TENM4: variants seen among roughly 807,000 people sequenced by gnomAD.
TENM4 encodes teneurin-4.
In TENM4, 82 loss-of-function variants were observed where a neutral mutation model predicts 243.3. The ratio of observed to expected loss-of-function variants is 0.34; its 90% CI spans 0.28 to 0.40. The LOEUF (loss-of-function observed/expected upper bound fraction) is 0.40. TENM4 is among the 10% of genes least tolerant of loss of function. TENM4 has a pLI of 1.00. For missense variants in TENM4, 3,138 were observed against 3,673.3 expected, an observed-to-expected ratio of 0.85 and a Z score of 3.77; for synonymous variants, 1,412 against 1,456.3, an observed-to-expected ratio of 0.97 and a Z score of 0.69.
chr11:78,970,433 T>C (rs1471429409), intron 6 of TENM4, among the ~76,000 whole-genome samples: 1 of 152,204 alleles, frequency 6.6e-6, no homozygotes, highest in East Asian at 1.9e-4. Context: ...TTTACATCTG[T>C]TATCCTGCAT....
intron 6 of TENM4, among the ~76,000 whole-genome samples, chr11:79,007,056 G>A (rs150674725): frequency 3.9e-5 from 6 of 152,262 alleles, no homozygotes; most frequent in African/African-American, 1.2e-4. Flanking sequence ...GGACTTGGAC[G>A]GCAACGTTGG....
At chr11:78,827,749 A>G (rs1475357730) in intron 12 of TENM4, among the ~76,000 whole-genome samples, 1 of 152,086 alleles carries the variant, frequency 6.6e-6, no homozygotes, top group Non-Finnish European at 1.5e-5. Flanking sequence ...TCAGCCTCCC[A>G]AAGTGCTGGG....
At chr11:78,982,337 C>G (rs2136629951) in intron 6 of TENM4, among the ~76,000 whole-genome samples, 1 of 152,264 alleles carries the variant, frequency 6.6e-6, no homozygotes, top group East Asian at 1.9e-4. Flanking sequence ...AGCTCCAGGT[C>G]CACTCGCGGC....
intron 1 of TENM4, among the ~76,000 whole-genome samples, chr11:79,341,819 A>G (rs1002258360): frequency 6.6e-6 from 1 of 152,226 alleles, no homozygotes; most frequent in Non-Finnish European, 1.5e-5. Flanking sequence ...CACATTCTCT[A>G]TGACATTTCC....
intron 1 of TENM4, among the ~76,000 whole-genome samples, chr11:79,321,130 C>G (rs7129664): frequency 6.6e-6 from 1 of 152,152 alleles, no homozygotes; most frequent in African/African-American, 2.4e-5. Context: ...AGTCCCTTGG[C>G]CTCTCTGTGC....
intron 3 of TENM4, among the ~76,000 whole-genome samples, chr11:79,202,758 A>C (rs1361166382): frequency 6.6e-6 from 1 of 152,150 alleles, no homozygotes; most frequent in Non-Finnish European, 1.5e-5. Flanking sequence ...ACTCACACAC[A>C]GCTTAGCTCC....
intron 4 of TENM4, among the ~76,000 whole-genome samples, chr11:79,081,474 C>T (rs1402931702): frequency 1.3e-5 from 2 of 151,920 alleles, no homozygotes; most frequent in African/African-American, 4.8e-5. Flanking sequence ...TCACCATCAG[C>T]CTCTGATCAC....
intron 3 of TENM4, among the ~76,000 whole-genome samples, chr11:79,158,232 A>T (rs1022745161): frequency 6.6e-6 from 1 of 152,212 alleles, no homozygotes; most frequent in Non-Finnish European, 1.5e-5. Context: ...AAAAATACTC[A>T]TAGACACTTA....
At position 79,052,556 on chromosome 11, in the gene TENM4, G is replaced by A. The variant is rs1403835188; in HGVS notation, c.493+12182C>T. On this transcript the variant is annotated intron_variant, in intron 6 of 33. Coordinates refer to ENST00000278550, the MANE Select transcript of TENM4 (RefSeq NM_001098816.3). ...GTTCACTGTAAGTATATAATAAATA[G>A]TGAGCATTACTCCTGTAATTATTGA... Among the ~76,000 whole-genome samples, 3 of 152,184 alleles carry A rather than the reference G, an allele frequency of 2.0e-5. No individual in the cohort carries two copies. In the East Asian group the frequency reaches 5.8e-4, roughly 29 times the overall value.
chr11:79,280,364 C>T (rs2135362620), intron 2 of TENM4, among the ~76,000 whole-genome samples: 1 of 152,280 alleles, frequency 6.6e-6, no homozygotes, highest in Admixed American at 6.5e-5. Context: ...CCTACTCATT[C>T]CAGAGCCTGC....
At chr11:79,312,772 A>T (rs1462339606) in intron 1 of TENM4, among the ~76,000 whole-genome samples, 1 of 152,196 alleles carries the variant, frequency 6.6e-6, no homozygotes, top group Non-Finnish European at 1.5e-5. Flanking sequence ...TGCAAGATGG[A>T]ATGGACACCT....
chr11:78,785,914 G>A (rs966523000), intron 16 of TENM4, among the ~76,000 whole-genome samples: 1 of 151,812 alleles, frequency 6.6e-6, no homozygotes, highest in Non-Finnish European at 1.5e-5. Context: ...AGCCAGAAAG[G>A]TACCTGGAAT....
intron 1 of TENM4, among the ~76,000 whole-genome samples, chr11:79,383,654 G>A (rs519671): frequency 0.51 from 76,865 of 151,832 alleles, 19,583 homozygotes; most frequent in Non-Finnish European, 0.55. Flanking sequence ...GCTCATGGCC[G>A]GTGGGGAGCT....
At chr11:79,411,637 C>T (rs1858703781) in intron 1 of TENM4, among the ~76,000 whole-genome samples, 1 of 152,110 alleles carries the variant, frequency 6.6e-6, no homozygotes, top group African/African-American at 2.4e-5. Context: ...TCTTTCTTTC[C>T]ACCAAAAGCT....
At chr11:78,793,670 CA>C (rs1381227573) in intron 15 of TENM4, among the ~76,000 whole-genome samples, 1 of 152,192 alleles carries the variant, frequency 6.6e-6, no homozygotes, top group Non-Finnish European at 1.5e-5. Flanking sequence ...TTCAATGTTC[CA>C]GAACTGCAAC....
At chr11:79,416,365 T>A (rs892456696) in intron 1 of TENM4, among the ~76,000 whole-genome samples, 11 of 152,184 alleles carry the variant, frequency 7.2e-5, no homozygotes, top group Admixed American at 6.5e-4. Flanking sequence ...TTGCTCCATA[T>A]CCTCACCAAC....
chr11:78,988,800 G>C (rs969472107), intron 6 of TENM4, among the ~76,000 whole-genome samples: 2 of 152,152 alleles, frequency 1.3e-5, no homozygotes, highest in Non-Finnish European at 2.9e-5. Context: ...TCAGCCCCCT[G>C]AGTAGCTGGG....
chr11:78,719,814 C>G (rs1217217624), intron 25 of TENM4, among the ~76,000 whole-genome samples: 1 of 152,150 alleles, frequency 6.6e-6, no homozygotes, highest in Non-Finnish European at 1.5e-5. Context: ...ACATGACAAA[C>G]CTACTCTGGG....
chr11:79,236,644 T>A (rs922599922), intron 2 of TENM4, among the ~76,000 whole-genome samples: 1 of 152,152 alleles, frequency 6.6e-6, no homozygotes, highest in African/African-American at 2.4e-5. Flanking sequence ...TCTGGCCACA[T>A]CTGCAGCAGA....
Sources: gnomAD v4.1 joint callset for allele counts (sites outside exome capture counted in the v4.1 genomes callset) on GRCh38, gnomAD v4.1.1 for gene constraint, MANE v1.5 for transcripts, NCBI Gene and HGNC (gene_info 2026-07-23, HGNC 2026-07-21) for gene names.